GAB2: variants seen among roughly 807,000 people sequenced by gnomAD.
The protein encoded by GAB2 is GRB2-associated-binding protein 2.
A neutral mutation model predicts 65.5 loss-of-function variants in GAB2; 26 were observed. The observed-to-expected ratio is 0.40, with a 90% CI of 0.29 to 0.55. GAB2 has a LOEUF of 0.55. GAB2 is among the 20% of genes least tolerant of loss of function. The pLI is 0.53. For missense variants in GAB2, 884 were observed against 875.8 expected (o/e 1.01, Z -0.12); for synonymous variants, 321 against 329.6 (o/e 0.97, Z 0.28).
intron 1 of GAB2, among the ~76,000 whole-genome samples, chr11:78,290,568 G>C (rs1367414613): frequency 6.6e-6 from 1 of 152,162 alleles, no homozygotes; most frequent in Non-Finnish European, 1.5e-5. Flanking sequence ...AGAAAACCTA[G>C]GTGGGCCACA....
intron 9 of GAB2, among the ~76,000 whole-genome samples, chr11:78,219,721 C>A (rs561230479): frequency 6.6e-6 from 1 of 152,320 alleles, no homozygotes; most frequent in East Asian, 1.9e-4. Flanking sequence ...TCATCTCTGC[C>A]TCCACCCATC....
At chr11:78,366,335 T>G (rs915085939) in intron 1 of GAB2, among the ~76,000 whole-genome samples, 1 of 151,964 alleles carries the variant, frequency 6.6e-6, no homozygotes, top group African/African-American at 2.4e-5. Flanking sequence ...ATCCCAGCAC[T>G]TTGGGAGGCC....
In GAB2 at chr11:78,327,853, A is replaced by C. The variant is rs115793497; in HGVS notation, c.76-46952T>G. On this transcript the variant is annotated intron_variant, in intron 1 of 9. Coordinates refer to ENST00000361507, the MANE Select transcript of GAB2 (RefSeq NM_080491.3). ...TTTGAATTTTAGTTTTTCCTCTAGA[A>C]GATGGATATAATACCTTACTAGATT... is the stretch of plus-strand genomic sequence containing the variant. Among the ~76,000 whole-genome samples, 1,186 of 152,348 alleles carry C rather than the reference A, an allele frequency of 7.8e-3. 14 individuals are homozygous for C. The highest frequency in any genetic ancestry group is 0.027 in the African/African-American group (1,124 of 41,582).
chr11:78,364,475 G>A (rs1183598365), intron 1 of GAB2, among the ~76,000 whole-genome samples: 1 of 152,082 alleles, frequency 6.6e-6, no homozygotes, highest in Non-Finnish European at 1.5e-5. Flanking sequence ...ATCCTTAACT[G>A]GACACAATAC....
chr11:78,346,754 A>G (rs1483203014), intron 1 of GAB2, among the ~76,000 whole-genome samples: 3 of 140,740 alleles, frequency 2.1e-5, no homozygotes, highest in Non-Finnish European at 4.6e-5. Flanking sequence ...GAAACAAAAT[A>G]TTCCTGCTAG....
intron 1 of GAB2, among the ~76,000 whole-genome samples, chr11:78,294,032 G>A (rs11237442): frequency 0.21 from 31,637 of 151,662 alleles, 3,536 homozygotes; most frequent in East Asian, 0.4. Context: ...TCCTCATTTA[G>A]CATTAGGTAT....
At chr11:78,377,965 A>G (rs1856652455) in intron 1 of GAB2, among the ~76,000 whole-genome samples, 1 of 152,178 alleles carries the variant, frequency 6.6e-6, no homozygotes, top group South Asian at 2.1e-4. Flanking sequence ...AGATGCAAAC[A>G]TGATTCTGAG....
At chr11:78,286,839 C>CA (rs771990887) in intron 1 of GAB2, among the ~76,000 whole-genome samples, 41 of 152,026 alleles carry the variant, frequency 2.7e-4, no homozygotes, top group Admixed American at 1.1e-3. Context: ...ACCCATGATA[C>CA]AAAAATGAAA....
In GAB2 at chr11:78,264,391, T is replaced by A. The variant is rs139324043; in HGVS notation, c.377-13991A>T. ...TGATGCCATTGTGAAAGGAATTTTT[T>A]AAAAATTTCTTTTTCTTTTTTTTTT... On this transcript the variant is annotated intron_variant, in intron 2 of 9. Coordinates refer to ENST00000361507, the MANE Select transcript of GAB2 (RefSeq NM_080491.3). 2.1e-3 allele frequency among the ~76,000 whole-genome samples: 312 copies of A among 145,682 alleles called. 1 individual carries two copies. The highest frequency in any genetic ancestry group is 7.9e-3 in the African/African-American group (301 of 37,928).
intron 1 of GAB2, among the ~76,000 whole-genome samples, chr11:78,403,058 G>C (rs184524195): frequency 6.6e-6 from 1 of 152,290 alleles, no homozygotes; most frequent in African/African-American, 2.4e-5. Context: ...GAGGAAGTGG[G>C]CAATCACCAG....
chr11:78,375,096 G>A (rs1176504109), intron 1 of GAB2, among the ~76,000 whole-genome samples: 1 of 152,142 alleles, frequency 6.6e-6, no homozygotes, highest in Non-Finnish European at 1.5e-5. Context: ...CCACACTAGA[G>A]TGCAATTGCA....
chr11:78,347,697 G>A (rs576642149), intron 1 of GAB2, among the ~76,000 whole-genome samples: 625 of 152,250 alleles, frequency 4.1e-3, no homozygotes, highest in Non-Finnish European at 7.7e-3. Context: ...AAACATAGGA[G>A]AAAAATCTTT....
intron 1 of GAB2, among the ~76,000 whole-genome samples, chr11:78,358,872 GA>G (rs1325937592): frequency 2.0e-5 from 3 of 152,022 alleles, no homozygotes; most frequent in Admixed American, 6.6e-5. Flanking sequence ...AGAGAAGCTT[GA>G]AAAAATTAGC....
At chr11:78,270,671 T>C (rs1350943120) in intron 2 of GAB2, among the ~76,000 whole-genome samples, 2 of 152,240 alleles carry the variant, frequency 1.3e-5, no homozygotes, top group East Asian at 1.9e-4. Context: ...GTATAGACTA[T>C]AAAGTTCTGT....
intron 1 of GAB2, among the ~76,000 whole-genome samples, chr11:78,316,990 G>C (rs191791298): frequency 6.6e-6 from 1 of 152,312 alleles, no homozygotes; most frequent in African/African-American, 2.4e-5. Flanking sequence ...TGCTACAGCA[G>C]GGATGAACCT....
At chr11:78,395,652 T>C (rs1856886752) in intron 1 of GAB2, among the ~76,000 whole-genome samples, 1 of 152,226 alleles carries the variant, frequency 6.6e-6, no homozygotes, top group Admixed American at 6.5e-5. Context: ...AAGGGAGATT[T>C]GGACAGAGCA....
At chr11:78,239,826 A>C (rs1351213549) in intron 3 of GAB2, among the ~76,000 whole-genome samples, 1 of 152,180 alleles carries the variant, frequency 6.6e-6, no homozygotes, top group Non-Finnish European at 1.5e-5. Flanking sequence ...TAGGGTCCAC[A>C]TAGCTGTGTT....
chr11:78,228,497 A>G (rs1173973899), intron 3 of GAB2, among the ~76,000 whole-genome samples: 3 of 152,194 alleles, frequency 2.0e-5, no homozygotes. Flanking sequence ...TCTGAGGCCA[A>G]TCCCTGGACC....
At chr11:78,366,646 T>TG (rs1355004347) in intron 1 of GAB2, among the ~76,000 whole-genome samples, 2 of 134,312 alleles carry the variant, frequency 1.5e-5, no homozygotes, top group African/African-American at 5.6e-5. Flanking sequence ...AAAGTGAGGA[T>TG]GGGGGGTTAA....
Sources: gnomAD v4.1 joint callset for allele counts (sites outside exome capture counted in the v4.1 genomes callset) on GRCh38, gnomAD v4.1.1 for gene constraint, MANE v1.5 for transcripts, NCBI Gene and HGNC (gene_info 2026-07-23, HGNC 2026-07-21) for gene names.